The following POLH variants were observed in gnomAD, a reference collection of about 807,000 sequenced individuals.
The protein encoded by POLH is DNA polymerase eta transcript.
POLH carries 53 observed loss-of-function variants against 73.6 expected under a neutral mutation model. That is an observed-to-expected ratio of 0.72 (90% CI 0.58 to 0.91). The LOEUF (loss-of-function observed/expected upper bound fraction) is 0.91, where lower values mean the gene tolerates loss of function less well. Ranked by LOEUF, POLH falls within the 40% of genes least tolerant of loss-of-function variation. The probability of loss-of-function intolerance (pLI) is 0.00; values close to 1 mark genes in which losing one functional copy is unlikely to be tolerated. For synonymous variants in POLH, 292 were observed against 308.5 expected, an observed-to-expected ratio of 0.95 and a Z score of 0.56; for missense variants, 768 against 865.4, an observed-to-expected ratio of 0.89 and a Z score of 1.41.
chr6:43,613,420 G>C (rs1768104417), intron 10 of POLH, among the ~76,000 whole-genome samples: 1 of 152,134 alleles, frequency 6.6e-6, no homozygotes, highest in African/African-American at 2.4e-5. Context: ...CATAACATCA[G>C]CATCACCTAG....
chr6:43,609,960 ACT>A (rs1014975964), intron 9 of POLH, among the ~76,000 whole-genome samples: 1 of 151,812 alleles, frequency 6.6e-6, no homozygotes, highest in African/African-American at 2.4e-5. Flanking sequence ...TTCTTCAGTT[ACT>A]TTTTACACCC....
rs1351931360 is a variant in POLH at position 43,616,598 on chromosome 6, A to C, written c.*2041A>C. Among the ~76,000 whole-genome samples the C allele has an allele frequency of 7.2e-5, 11 of 151,920 alleles. No individual in the cohort carries two copies. The highest frequency in any genetic ancestry group is 5.9e-4 in the Admixed American group (9 of 15,258). On this transcript the variant is annotated 3_prime_UTR_variant, in exon 11 of 11. Coordinates refer to ENST00000372236, the MANE Select transcript of POLH (RefSeq NM_006502.3). ...TGAGAGACTGTCTCAAAAAAAAAAA[A>C]AACAAAAGAAAAACTTCTCTCTAGC...
At chr6:43,582,697 T>A (rs2127773514) in intron 2 of POLH, among the ~76,000 whole-genome samples, 1 of 152,070 alleles carries the variant, frequency 6.6e-6, no homozygotes, top group South Asian at 2.1e-4. Context: ...TGATTTTATT[T>A]TTTGGGGGGT....
rs1397202992 is a variant in POLH, at chr6:43,615,753, A to C, written c.*1196A>C. On this transcript the variant is annotated 3_prime_UTR_variant, in exon 11 of 11. Coordinates refer to ENST00000372236, the MANE Select transcript of POLH (RefSeq NM_006502.3). ...AGTGGTGCGTTCTCAGCTCACCGCAACCTCCGTCTCCTGGGTTCAAGCAAT... is the reference window on the plus strand; with the variant it reads ...AGTGGTGCGTTCTCAGCTCACCGCACCCTCCGTCTCCTGGGTTCAAGCAAT... 6.6e-6 allele frequency: 1 copy of C among 151,316 alleles called. No homozygotes were observed. Among genetic ancestry groups the C allele is most frequent in the African/African-American group, 2.4e-5 (1 of 41,188 alleles). 9.4% of individuals were successfully genotyped at this position (151,316 alleles called of 1,614,324 possible). A position where few individuals can be genotyped will look rare whatever the true frequency, so the allele number is the denominator to read the frequency against.
At chr6:43,601,216 G>T in intron 6 of POLH, 125 bp downstream of exon 6, 1 of 733,996 alleles carries the variant, frequency 1.4e-6, no homozygotes, top group South Asian at 1.4e-5. Flanking sequence ...CAGTTAGAAG[G>T]AAAACAACAC....
In POLH at chr6:43,616,192, A is replaced by G. The variant is rs1768326288; in HGVS notation, c.*1635A>G. ...CTACTCGGGAGGCTGAGGCAGGAGA[A>G]TGGTGTGAACCCGGGAGGCGGAGCT... is the stretch of plus-strand genomic sequence containing the variant. On this transcript the variant is annotated 3_prime_UTR_variant, in exon 11 of 11. Transcript: ENST00000372236. Among the ~76,000 whole-genome samples, 1 of 148,520 alleles carries G rather than the reference A, an allele frequency of 6.7e-6. No homozygotes were observed.
rs60046548 is a variant in POLH, at chr6:43,619,364, CAAAAAAAAAAAAAA to C, written c.*4824_*4837del. ...TGGGTGACAGTCTGAGACCCTGTCT[CAAAAAAAAAAAAAA>C]AAAAAAAAAAAAAAAAGACTACATT... On this transcript the variant is annotated 3_prime_UTR_variant, in exon 11 of 11. Transcript: ENST00000372236. Among the ~76,000 whole-genome samples the C allele has an allele frequency of 0.18, 6,790 of 37,300 alleles. 347 individuals carry two copies. Among genetic ancestry groups the C allele is most frequent in the Middle Eastern group, 0.29 (19 of 66 alleles). 24.5% of individuals were successfully genotyped at this position (37,300 alleles called of 152,430 possible).
At chr6:43,597,601 CTA>C in intron 4 of POLH, 93 bp from the exon 5 acceptor site, 1 of 1,210,710 alleles carries the variant, frequency 8.3e-7, no homozygotes, top group South Asian at 1.3e-5. Flanking sequence ...ACTTATATGT[CTA>C]AATACCTGTA....
rs540143863 is a variant in POLH, at chr6:43,605,443, C to CTTTTT, written c.1074+144_1074+148dup. On this transcript the variant is annotated intron_variant, in intron 9 of 10. Transcript: ENST00000372236. ...AGCATAGGAAATATCCGTTTTCTTT[C>CTTTTT]TTTTTTTTTTTTTTTTTTTTTTTTG... 1,060 of 295,722 alleles carry CTTTTT rather than the reference C, an allele frequency of 3.6e-3. 6 individuals are homozygous for CTTTTT. The highest frequency in any genetic ancestry group is 6.5e-3 in the African/African-American group (182 of 28,126). 18.3% of individuals were successfully genotyped at this position (295,722 alleles called of 1,614,324 possible).
At chr6:43,599,081 C>A (rs536861722) in intron 5 of POLH, among the ~76,000 whole-genome samples, 1 of 151,134 alleles carries the variant, frequency 6.6e-6, no homozygotes, top group African/African-American at 2.4e-5. Context: ...CTCCGCCTCC[C>A]GGGTTCAGGT....
At chr6:43,610,759 T>C (rs1178024069) in intron 10 of POLH, 36 bp downstream of exon 10, 3 of 1,524,006 alleles carry the variant, frequency 2.0e-6, no homozygotes, top group Non-Finnish European at 2.7e-6. Context: ...TCAGAATAGA[T>C]GATGATTCTT....
At chr6:43,578,422 G>A (rs1020612206) in intron 1 of POLH, 2 of 444,114 alleles carry the variant, frequency 4.5e-6, no homozygotes, top group Admixed American at 5.0e-5. Flanking sequence ...CTCATGCCCA[G>A]GTCATACCCA....
At chr6:43,602,901 C>T (rs746139603) in intron 6 of POLH, among the ~76,000 whole-genome samples, 5 of 151,976 alleles carry the variant, frequency 3.3e-5, no homozygotes, top group Non-Finnish European at 5.9e-5. Context: ...CTCCTGGCCT[C>T]CAATGATCTG....
In POLH at chr6:43,619,905, A is replaced by G. The variant is rs778810076; in HGVS notation, c.*5348A>G. 5.9e-5 allele frequency among the ~76,000 whole-genome samples: 9 copies of G among 152,224 alleles called. No individual in the cohort carries two copies. Among genetic ancestry groups the G allele is most frequent in the Non-Finnish European group, 1.2e-4 (8 of 68,036 alleles). On this transcript the variant is annotated 3_prime_UTR_variant, in exon 11 of 11. Transcript: ENST00000372236. The stretch of plus-strand genomic sequence containing the variant: ...TAATACTCTAGAGGCAGAATGCCAC[A>G]TAGGACTTTGGGTCACATATTTCTT...
rs1319648984 is a variant in POLH, at chr6:43,582,377, C to A, written c.58C>A (p.Gln20Lys). Residue 20 changes from glutamine (Q) to lysine (K), a missense_variant, in exon 2 of 11, where the codon CAA becomes AAA. Gln to Lys is a moderately conservative substitution (Grantham distance 53). Coordinates refer to ENST00000372236, the MANE Select transcript of POLH (RefSeq NM_006502.3). ...ALVDMDCFFV[Q>K]VEQRQNPHLR... ...CGTGGACATGGACTGTTTTTTTGTT[C>A]AAGTGGAGCAGCGGCAAAATCCTCA... The A allele has an allele frequency of 6.2e-7, 1 of 1,613,792 alleles. No individual in the cohort carries two copies. The highest frequency in any genetic ancestry group is 8.5e-7 in the Non-Finnish European group (1 of 1,179,808).
intron 10 of POLH, among the ~76,000 whole-genome samples, chr6:43,613,185 G>T (rs1037392676): frequency 6.6e-6 from 1 of 152,150 alleles, no homozygotes; most frequent in Admixed American, 6.5e-5. Flanking sequence ...ATTCCAGAGT[G>T]GTAAGTCAGT....
chr6:43,610,051 AG>A, intron 9 of POLH, among the ~76,000 whole-genome samples: 1 of 146,646 alleles, frequency 6.8e-6, no homozygotes, highest in Non-Finnish European at 1.5e-5. Flanking sequence ...GCATATATAT[AG>A]ATTCTTTTTT....
At chr6:43,578,687 A>G (rs1763674123) in intron 1 of POLH, among the ~76,000 whole-genome samples, 1 of 152,228 alleles carries the variant, frequency 6.6e-6, no homozygotes, top group Non-Finnish European at 1.5e-5. Flanking sequence ...TGGGAGTAGG[A>G]GAACTCTACC....
At chr6:43,596,765 G>T (rs1448512656) in intron 4 of POLH, among the ~76,000 whole-genome samples, 1 of 152,148 alleles carries the variant, frequency 6.6e-6, no homozygotes. Flanking sequence ...GTCAGGAAAA[G>T]TTCTTCTGTA....
Sources: gnomAD v4.1 joint callset for allele counts (sites outside exome capture counted in the v4.1 genomes callset) on GRCh38, gnomAD v4.1.1 for gene constraint, MANE v1.5 for transcripts, NCBI Gene and HGNC (gene_info 2026-07-23, HGNC 2026-07-21) for gene names.